Variants in ASH1L observed in about 807,000 individuals in gnomAD.
ASH1L encodes the protein histone-lysine N-methyltransferase ASH1L.
A neutral mutation model predicts 269.0 loss-of-function variants in ASH1L; 23 were observed. The ratio of observed to expected loss-of-function variants is 0.09; its 90% confidence interval spans 0.06 to 0.12. The LOEUF is 0.12. Among genes scored for constraint, ASH1L ranks in the 10% least tolerant of loss-of-function variants. The pLI, the probability that ASH1L is intolerant of heterozygous loss-of-function variation, is 1.00. For synonymous variants in ASH1L, 1,187 were observed against 1,253.5 expected, an observed-to-expected ratio of 0.95 and a Z score of 1.12; for missense variants, 2,912 against 3,567.8, an observed-to-expected ratio of 0.82 and a Z score of 4.68.
At chr1:155,435,889 A>G (rs1178436721) in intron 5 of ASH1L, among the ~76,000 whole-genome samples, 2 of 152,112 alleles carry the variant, frequency 1.3e-5, no homozygotes, top group Non-Finnish European at 2.9e-5. Flanking sequence ...CGTCTCTACT[A>G]AAAATACAAA....
At chr1:155,557,682 A>G (rs541707569) in intron 1 of ASH1L, among the ~76,000 whole-genome samples, 1 of 152,226 alleles carries the variant, frequency 6.6e-6, no homozygotes. Context: ...AACGTGAAAT[A>G]TAAGACTATT....
chr1:155,555,881 T>C (rs1265099169), intron 1 of ASH1L, among the ~76,000 whole-genome samples: 1 of 151,728 alleles, frequency 6.6e-6, no homozygotes, highest in Non-Finnish European at 1.5e-5. Flanking sequence ...AAAAGAATTT[T>C]TAAATACTTA....
At chr1:155,486,228 G>GTTGTGTTGTGTTCATT (rs1553267134) in intron 2 of ASH1L, among the ~76,000 whole-genome samples, 29 of 152,120 alleles carry the variant, frequency 1.9e-4, no homozygotes, top group Admixed American at 6.6e-5. Flanking sequence ...AATACATGTG[G>GTTGTGTTGTGTTCATT]TACTTGATTG....
chr1:155,481,768 C>G lies in ASH1L; in HGVS notation c.1102G>C (p.Val368Leu). ...KLGLGTVVGL[V>L]NKDLGKKLGS... ...AATTTCTTTCCCAAATCTTTATTAA[C>G]CAGTCCAACCACAGTGCCAAGTCCT... The change falls in exon 3 of 28, where the codon GTT (valine) becomes CTT (leucine). Residue 368 changes from valine to leucine, a missense_variant. Around this residue, in one of 13 missense-constraint regions of ASH1L, gnomAD observed 277 missense variants for 367.7 expected, o/e 0.75. Coordinates refer to ENST00000392403, the MANE Select transcript of ASH1L (RefSeq NM_018489.3). 1 of 1,614,196 alleles carries G rather than the reference C, an allele frequency of 6.2e-7. No individual in the cohort carries two copies. The highest frequency in any genetic ancestry group is 8.5e-7 in the Non-Finnish European group (1 of 1,180,024).
intron 4 of ASH1L, among the ~76,000 whole-genome samples, chr1:155,448,688 G>A (rs562561683): frequency 7.8e-4 from 118 of 152,108 alleles, no homozygotes; most frequent in Non-Finnish European, 1.4e-3. Flanking sequence ...GTAGAGACTG[G>A]GTTTCACCAT....
intron 5 of ASH1L, among the ~76,000 whole-genome samples, chr1:155,426,858 T>C (rs191830154): frequency 6.6e-6 from 1 of 152,336 alleles, no homozygotes; most frequent in East Asian, 1.9e-4. Flanking sequence ...GGGTCAACTG[T>C]ATTTAATCAA....
intron 5 of ASH1L, among the ~76,000 whole-genome samples, chr1:155,436,311 C>G (rs1160118877): frequency 7.3e-5 from 11 of 151,614 alleles, no homozygotes; most frequent in Admixed American, 6.6e-4. Context: ...CCTGCCTCAG[C>G]CTCCTGAGTA....
Position 155,477,971 on chromosome 1 carries a change from G to T in ASH1L, c.4899C>A (p.Leu1633=). ...TTAGTGAAGTGTCCTGTGCAGAAAAGAGTCCAGGGCTGTCAGTTAATTTCT... is the reference window on the plus strand; with the variant it reads ...TTAGTGAAGTGTCCTGTGCAGAAAATAGTCCAGGGCTGTCAGTTAATTTCT... The part of the protein sequence containing the change: ...GRKKLTDSPG[L]FSAQDTSLNR... The change falls in exon 3 of 28, where the codon CTC becomes CTA. Residue 1633 remains leucine (L), a synonymous_variant. Transcript: ENST00000392403. 6.2e-7 allele frequency: 1 copy of T among 1,614,204 alleles called. No homozygotes were observed. Among genetic ancestry groups the T allele is most frequent in the Non-Finnish European group, 8.5e-7 (1 of 1,180,044 alleles).
At chr1:155,377,659 A>G (rs1471943220) in intron 10 of ASH1L, among the ~76,000 whole-genome samples, 1 of 152,180 alleles carries the variant, frequency 6.6e-6, no homozygotes, top group African/African-American at 2.4e-5. Flanking sequence ...AATCTCCACA[A>G]ACCCTCCATA....
chr1:155,349,709 CTTT>C (rs993462774), intron 17 of ASH1L, 113 bp from the exon 18 acceptor site: 6,963 of 284,852 alleles, frequency 0.024, no homozygotes, highest in South Asian at 0.038. Flanking sequence ...AAATCCAAGT[CTTT>C]TTTTTTTTTT....
intron 21 of ASH1L, among the ~76,000 whole-genome samples, chr1:155,345,571 C>CTTTTTT (rs1179125179): frequency 9.5e-6 from 1 of 104,926 alleles, no homozygotes; most frequent in Non-Finnish European, 1.9e-5. Context: ...CCATGCCCAG[C>CTTTTTT]TTTTTTTTTT....
At chr1:155,373,178 AC>A (rs1458553712) in intron 10 of ASH1L, among the ~76,000 whole-genome samples, 1 of 151,328 alleles carries the variant, frequency 6.6e-6, no homozygotes, top group Non-Finnish European at 1.5e-5. Context: ...GCACCACTGT[AC>A]TCCAGCCTGG....
At chr1:155,360,530 G>A (rs1654854692) in intron 12 of ASH1L, 121 bp from the exon 13 acceptor site, 1 of 597,636 alleles carries the variant, frequency 1.7e-6, no homozygotes, top group African/African-American at 1.9e-5. Context: ...CGCAACCTCC[G>A]CTTCCCGGAT....
In ASH1L at chr1:155,420,254, G is replaced by A. The variant is rs867800550; in HGVS notation, c.5829-4331C>T. Among the ~76,000 whole-genome samples the A allele has an allele frequency of 1.1e-4, 16 of 151,484 alleles. 1 individual carries two copies. Among genetic ancestry groups the A allele is most frequent in the South Asian group, 2.1e-4 (1 of 4,788 alleles). ...GCAGGAGAATCGCTTGAACCCAGGAGGTGGAGGTTGAATTGAGCCAAAATG... is the reference window on the plus strand; with the variant it reads ...GCAGGAGAATCGCTTGAACCCAGGAAGTGGAGGTTGAATTGAGCCAAAATG... On this transcript the variant is annotated intron_variant, in intron 5 of 27. Coordinates refer to ENST00000392403, the MANE Select transcript of ASH1L (RefSeq NM_018489.3).
At chr1:155,476,890 T>C (rs1358565244) in intron 3 of ASH1L, among the ~76,000 whole-genome samples, 4 of 152,060 alleles carry the variant, frequency 2.6e-5, no homozygotes, top group African/African-American at 7.2e-5. Context: ...GGAATAATAA[T>C]AATAACTAAT....
chr1:155,468,360 T>G (rs1275317325), intron 3 of ASH1L, among the ~76,000 whole-genome samples: 1 of 152,100 alleles, frequency 6.6e-6, no homozygotes, highest in Non-Finnish European at 1.5e-5. Flanking sequence ...ACTGTAAAGT[T>G]ACTGCTTTTC....
chr1:155,476,410 T>C (rs1245276427), intron 3 of ASH1L, among the ~76,000 whole-genome samples: 4 of 151,776 alleles, frequency 2.6e-5, no homozygotes, highest in Non-Finnish European at 5.9e-5. Context: ...AATAAATAAA[T>C]AAACACTGTT....
intron 25 of ASH1L, 84 bp from the exon 26 acceptor site, chr1:155,339,452 C>A: frequency 8.2e-7 from 1 of 1,220,404 alleles, no homozygotes; most frequent in South Asian, 1.3e-5. Flanking sequence ...GGATAAGGAA[C>A]ACAGTAGGGC....
At chr1:155,357,984 T>C (rs957399541) in intron 13 of ASH1L, among the ~76,000 whole-genome samples, 1 of 152,018 alleles carries the variant, frequency 6.6e-6, no homozygotes, top group African/African-American at 2.4e-5. Flanking sequence ...TTGACCAGGC[T>C]GGTCTCGAAC....
Sources: allele counts gnomAD v4.1 joint callset (sites outside exome capture counted in the v4.1 genomes callset), GRCh38; gene constraint gnomAD v4.1.1; regional missense constraint gnomAD v4.1.1; transcripts MANE v1.5; gene names NCBI Gene and HGNC (gene_info 2026-07-23, HGNC 2026-07-21).